Variants in ZFP69B observed in about 807,000 individuals in gnomAD.
ZFP69B encodes zinc finger protein 69 homolog B.
ZFP69B carries 20 observed loss-of-function variants against 19.7 expected under a neutral mutation model. The observed-to-expected ratio is 1.02, with a 90% confidence interval of 0.71 to 1.48. ZFP69B has a LOEUF of 1.48. Among genes scored for constraint, ZFP69B ranks in the 40% most tolerant of loss-of-function variants. The pLI is 0.00. For synonymous variants in ZFP69B, 220 were observed against 222.7 expected (o/e 0.99, Z 0.11); for missense variants, 583 against 632.6 (o/e 0.92, Z 0.84).
At chr1:40,459,063 C>T (rs1176388499) in intron 4 of ZFP69B, among the ~76,000 whole-genome samples, 1 of 152,182 alleles carries the variant, frequency 6.6e-6, no homozygotes, top group African/African-American at 2.4e-5. Flanking sequence ...ACCTTTGTGA[C>T]TTCACTCAAT....
At chr1:40,451,396 C>G (rs771198721) in intron 1 of ZFP69B, among the ~76,000 whole-genome samples, 2 of 152,092 alleles carry the variant, frequency 1.3e-5, no homozygotes, top group African/African-American at 4.8e-5. Flanking sequence ...AAATGGGAGG[C>G]CTGCCCAGGG....
chr1:40,452,002 G>A (rs1465066665), intron 1 of ZFP69B, among the ~76,000 whole-genome samples: 2 of 152,152 alleles, frequency 1.3e-5, no homozygotes, highest in Non-Finnish European at 2.9e-5. Context: ...GCACATGCCT[G>A]TAATCCCAGC....
chr1:40,451,063 T>C lies in ZFP69B; in HGVS notation c.102T>C (p.Asp34=). 10 of 1,546,488 alleles carry C rather than the reference T, an allele frequency of 6.5e-6. No individual in the cohort carries two copies. The highest frequency in any genetic ancestry group is 8.7e-6 in the Non-Finnish European group (10 of 1,144,962). ...AATERVALWE[D]VTKMFKAEAL... ...CGGAGCGGGTGGCCCTGTGGGAGGATGTGACTAAGATGTTTAAAGCAGAAG... is the reference window on the plus strand; with the variant it reads ...CGGAGCGGGTGGCCCTGTGGGAGGACGTGACTAAGATGTTTAAAGCAGAAG... The change falls in exon 1 of 5, where the codon GAT becomes GAC. Residue 34 remains aspartate, a synonymous_variant. Coordinates refer to ENST00000361584, the MANE Select transcript of ZFP69B (RefSeq NM_023070.3).
intron 1 of ZFP69B, among the ~76,000 whole-genome samples, chr1:40,452,975 G>GTTTT (rs34206693): frequency 1.5e-5 from 2 of 132,988 alleles, no homozygotes; most frequent in South Asian, 2.4e-4. Flanking sequence ...ATTCCTAGTG[G>GTTTT]TTTTTTTTTT....
chr1:40,453,474 G>A (rs1230494345), intron 1 of ZFP69B, among the ~76,000 whole-genome samples: 1 of 152,148 alleles, frequency 6.6e-6, no homozygotes, highest in East Asian at 1.9e-4. Flanking sequence ...AAGCTTTTGG[G>A]AAGCATAGGA....
chr1:40,462,419 A>C lies in ZFP69B; in HGVS notation c.437-2A>C. On this transcript the variant is annotated splice_acceptor_variant, in intron 4 of 4. Coordinates refer to ENST00000361584, the MANE Select transcript of ZFP69B (RefSeq NM_023070.3). LOFTEE classifies it high-confidence loss of function. Reference sequence around the variant, plus strand: ...GATCTTTTTTTTTATTATTTCTTTCAGACTTGAAGAGCAAAACAAAAACCA... The same window carrying C: ...GATCTTTTTTTTTATTATTTCTTTCCGACTTGAAGAGCAAAACAAAAACCA... 6.4e-7 allele frequency: 1 copy of C among 1,567,694 alleles called. No individual in the cohort carries two copies. The highest frequency in any genetic ancestry group is 8.6e-7 in the Non-Finnish European group (1 of 1,164,580).
At position 40,457,441 on chromosome 1, in the gene ZFP69B, T is replaced by C; in HGVS notation, c.436+2T>C. The stretch of plus-strand genomic sequence containing the variant: ...ATATTTCAGGAGTTCCAAGTTCAGG[T>C]AAGTGCAAGGCAGGTGGGGCCTTTG... On this transcript the variant is annotated splice_donor_variant, in intron 4 of 4. Coordinates refer to ENST00000361584, the MANE Select transcript of ZFP69B (RefSeq NM_023070.3). LOFTEE classifies it high-confidence loss of function. 6.2e-7 allele frequency: 1 copy of C among 1,613,580 alleles called. No individual in the cohort carries two copies. Among genetic ancestry groups the C allele is most frequent in the Non-Finnish European group, 8.5e-7 (1 of 1,179,570 alleles).
intron 4 of ZFP69B, 30 bp downstream of exon 4, chr1:40,457,469 A>T: frequency 6.3e-7 from 1 of 1,593,706 alleles, no homozygotes; most frequent in South Asian, 1.1e-5. Context: ...GGCCTTTGTG[A>T]TGTTAGCCAG....
rs762156801 is a variant in ZFP69B at position 40,462,477 on chromosome 1, G to T, written c.493G>T (p.Glu165Ter). 6.2e-7 allele frequency: 1 copy of T among 1,612,362 alleles called. No individual in the cohort carries two copies. The highest frequency in any genetic ancestry group is 8.5e-7 in the Non-Finnish European group (1 of 1,179,648). The change falls in exon 5 of 5, where the codon GAA becomes TAA. Residue 165 changes from glutamate (E) to a stop codon, truncating the protein, a stop_gained. Coordinates refer to ENST00000361584, the MANE Select transcript of ZFP69B (RefSeq NM_023070.3). LOFTEE classifies it low-confidence loss of function (END_TRUNC). ...AGCCTTACAGAATGATATTTCGTGGGAAGAACTACATTGTGGCCTAATGAT... is the reference window on the plus strand; with the variant it reads ...AGCCTTACAGAATGATATTTCGTGGTAAGAACTACATTGTGGCCTAATGAT... ...ESALQNDISW[E>*]ELHCGLMMER...
At chr1:40,459,563 G>A (rs1225331394) in intron 4 of ZFP69B, among the ~76,000 whole-genome samples, 1 of 152,090 alleles carries the variant, frequency 6.6e-6, no homozygotes, top group Non-Finnish European at 1.5e-5. Context: ...CATCTGTGTT[G>A]AGGCAACACT....
At chr1:40,455,187 G>A (rs56073749) in intron 2 of ZFP69B, among the ~76,000 whole-genome samples, 19 of 152,134 alleles carry the variant, frequency 1.2e-4, no homozygotes, top group African/African-American at 3.4e-4. Flanking sequence ...ACAGTGTGCC[G>A]TGTGTCCTAA....
Position 40,463,081 on chromosome 1 carries a change from G to C in ZFP69B, c.1097G>C (p.Arg366Thr). ...ACCGGGGAAAAGCCCTATGAATGTA[G>C]GGTATGTGAGAAAGCCTTCAGCCAG... ...IHTGEKPYEC[R>T]VCEKAFSQSI... Residue 366 changes from arginine to threonine, a missense_variant, in exon 5 of 5, where the codon AGG becomes ACG. Arg to Thr is a moderately conservative substitution (Grantham distance 71). Coordinates refer to ENST00000361584, the MANE Select transcript of ZFP69B (RefSeq NM_023070.3). 6.2e-7 allele frequency: 1 copy of C among 1,614,162 alleles called. No homozygotes were observed. The highest frequency in any genetic ancestry group is 8.5e-7 in the Non-Finnish European group (1 of 1,180,022).
In ZFP69B at chr1:40,454,196, T is replaced by C. The variant is rs759923131; in HGVS notation, c.128-7T>C. ...ATGCAAACCTCATGGCTCTTTTCCT[T>C]CCCCAGCTCTGCTGTCTCAGGATGC... On this transcript the variant is annotated splice_polypyrimidine_tract_variant and splice_region_variant and intron_variant, in intron 1 of 4. Coordinates refer to ENST00000361584, the MANE Select transcript of ZFP69B (RefSeq NM_023070.3). 6.3e-7 allele frequency: 1 copy of C among 1,583,792 alleles called. No homozygotes were observed. The highest frequency in any genetic ancestry group is 1.7e-5 in the Admixed American group (1 of 58,002).
chr1:40,452,153 A>G (rs1288115309), intron 1 of ZFP69B, among the ~76,000 whole-genome samples: 1 of 152,186 alleles, frequency 6.6e-6, no homozygotes, highest in African/African-American at 2.4e-5. Flanking sequence ...AAATAAATGT[A>G]GAAAGAATGA....
chr1:40,458,464 G>A (rs1001432361), intron 4 of ZFP69B, among the ~76,000 whole-genome samples: 1 of 151,432 alleles, frequency 6.6e-6, no homozygotes, highest in Non-Finnish European at 1.5e-5. Flanking sequence ...AGTTATCTCA[G>A]ACAGAATATG....
intron 4 of ZFP69B, among the ~76,000 whole-genome samples, chr1:40,461,868 T>C (rs1023374062): frequency 3.3e-5 from 5 of 152,188 alleles, no homozygotes; most frequent in African/African-American, 1.2e-4. Flanking sequence ...TATATCCTCT[T>C]GCAGTTCACA....
chr1:40,462,778 A>T lies in ZFP69B; in HGVS notation c.794A>T (p.Asp265Val), dbSNP rs2124425144. 3.1e-6 allele frequency: 5 copies of T among 1,613,632 alleles called. 1 individual carries two copies. The Middle Eastern group carries it at 4.9e-4, about 160-fold the overall frequency. The part of the protein sequence containing the change: ...TPGKRSRYNI[D>V]LVNHSRSYTK... ...GGAAAGAGAAGCAGATACAACATAG[A>T]TTTAGTTAATCATTCAAGGAGTTAT... The change falls in exon 5 of 5, where the codon GAT (aspartate) becomes GTT (valine). Residue 265 changes from aspartate (D) to valine (V), a missense_variant. Physicochemically the swap from Asp to Val is radical, Grantham distance 152 (BLOSUM62 -3). Transcript: ENST00000361584.
chr1:40,463,682 C>A lies in ZFP69B; in HGVS notation c.*93C>A. 8.0e-7 allele frequency: 1 copy of A among 1,242,952 alleles called. No individual in the cohort carries two copies. The highest frequency in any genetic ancestry group is 2.8e-5 in the Admixed American group (1 of 35,768). The allele number at this position is 1,242,952 out of a possible 1,614,324, so 77.0% of individuals were successfully genotyped here. A position where few individuals can be genotyped will look rare whatever the true frequency, so the allele number is the denominator to read the frequency against. On this transcript the variant is annotated 3_prime_UTR_variant, in exon 5 of 5. Transcript: ENST00000361584. ...CAAAAATCCATTTGTTTTTGGATTT[C>A]CAAAAACGAACATTAAAAAAAAATG...
chr1:40,462,605 GC>G lies in ZFP69B; in HGVS notation c.622del (p.Gln208LysfsTer4), dbSNP rs753564338. On this transcript the variant is annotated frameshift_variant, in exon 5 of 5. Coordinates refer to ENST00000361584, the MANE Select transcript of ZFP69B (RefSeq NM_023070.3). LOFTEE classifies it low-confidence loss of function (END_TRUNC). ...AAGAGAACCAAAGAATGGGTAAGGG[GC>G]AAATCCCCCTGATGTGCAAGAAAAC... ...QQENQRMGKG[Q>X]IPLMCKKTFT... The G allele has an allele frequency of 6.2e-7, 1 of 1,614,054 alleles. No homozygotes were observed. The highest frequency in any genetic ancestry group is 1.1e-5 in the South Asian group (1 of 91,066).
Sources: gnomAD v4.1 joint callset for allele counts (sites outside exome capture counted in the v4.1 genomes callset) on GRCh38, gnomAD v4.1.1 for gene constraint, MANE v1.5 for transcripts, NCBI Gene and HGNC (gene_info 2026-07-23, HGNC 2026-07-21) for gene names.